The following CRISPLD2 variants were observed in gnomAD, a reference collection of about 807,000 sequenced individuals.
The protein encoded by CRISPLD2 is cysteine rich secretory protein LCCL domain containing 2.
Under a neutral mutation model 71.1 loss-of-function variants are expected in CRISPLD2, and 47 were observed. The observed-to-expected ratio is 0.66, with a 90% CI of 0.52 to 0.84. The LOEUF (loss-of-function observed/expected upper bound fraction) is 0.84, where lower values mean the gene tolerates loss of function less well. Among genes scored for constraint, CRISPLD2 ranks in the 40% least tolerant of loss-of-function variants. CRISPLD2 has a pLI of 0.00. For missense variants in CRISPLD2, 830 were observed against 651.1 expected (o/e 1.27, Z -2.99); for synonymous variants, 317 against 250.1 (o/e 1.27, Z -2.52).
intron 13 of CRISPLD2, among the ~76,000 whole-genome samples, chr16:84,880,915 G>C (rs2071563013): frequency 6.6e-6 from 1 of 152,062 alleles, no homozygotes; most frequent in Admixed American, 6.6e-5. Context: ...ATGTTGGCCA[G>C]GCTGGTTTCG....
At chr16:84,905,289 C>G (rs1029553476) in intron 14 of CRISPLD2, among the ~76,000 whole-genome samples, 3 of 152,280 alleles carry the variant, frequency 2.0e-5, no homozygotes, top group Middle Eastern at 3.4e-3. Context: ...TTGTCTAACA[C>G]TGGATTGTGG....
intron 14 of CRISPLD2, among the ~76,000 whole-genome samples, chr16:84,898,188 T>C (rs1472900061): frequency 6.6e-6 from 1 of 152,216 alleles, no homozygotes; most frequent in Non-Finnish European, 1.5e-5. Context: ...GACTTCCTCT[T>C]ACCAGAACAG....
intron 6 of CRISPLD2, among the ~76,000 whole-genome samples, chr16:84,866,694 G>C (rs1917546920): frequency 6.6e-6 from 1 of 152,210 alleles, no homozygotes; most frequent in Non-Finnish European, 1.5e-5. Flanking sequence ...AGTGAGCGGA[G>C]AGCGTCCCCG....
chr16:84,883,169 G>A (rs1008154), intron 13 of CRISPLD2, among the ~76,000 whole-genome samples: 31,063 of 152,210 alleles, frequency 0.2, 3,247 homozygotes, highest in Admixed American at 0.27. Flanking sequence ...AGGGAAGGAA[G>A]AAAGCCACCT....
At chr16:84,844,716 G>A (rs942256577) in intron 2 of CRISPLD2, among the ~76,000 whole-genome samples, 6 of 152,026 alleles carry the variant, frequency 3.9e-5, no homozygotes, top group African/African-American at 1.4e-4. Flanking sequence ...TTCATCTCGG[G>A]GCCCTTCTTG....
At chr16:84,893,706 A>G (rs374092378) in intron 14 of CRISPLD2, among the ~76,000 whole-genome samples, 20 of 152,322 alleles carry the variant, frequency 1.3e-4, no homozygotes, top group African/African-American at 4.8e-4. Context: ...CCTTGGGGAC[A>G]TGGCTCCCAA....
At chr16:84,836,379 G>C (rs776524435) in intron 1 of CRISPLD2, 5 of 152,174 alleles carry the variant, frequency 3.3e-5, no homozygotes, top group Non-Finnish European at 5.9e-5. Context: ...ACCTGAGAGA[G>C]AGAGATCAGG....
intron 11 of CRISPLD2, among the ~76,000 whole-genome samples, chr16:84,876,190 C>T (rs1193944312): frequency 6.6e-6 from 1 of 152,154 alleles, no homozygotes; most frequent in Non-Finnish European, 1.5e-5. Flanking sequence ...AACATGTTTG[C>T]TCTATGGTCC....
At chr16:84,902,499 A>G (rs1456125725) in intron 14 of CRISPLD2, among the ~76,000 whole-genome samples, 2 of 151,510 alleles carry the variant, frequency 1.3e-5, no homozygotes, top group Non-Finnish European at 2.9e-5. Flanking sequence ...AGTCCCAGCT[A>G]CTCGGGAGGC....
In CRISPLD2 at chr16:84,873,503, C is replaced by G. The variant is rs900610638; in HGVS notation, c.1112+381C>G. Reference sequence around the variant, plus strand: ...AAAAAAAAAAAAAAGAAAACAACAACAACAAAAAAAAAAACAAAAAAAAAA... The same window carrying G: ...AAAAAAAAAAAAAAGAAAACAACAAGAACAAAAAAAAAAACAAAAAAAAAA... On this transcript the variant is annotated intron_variant, in intron 10 of 14. Transcript: ENST00000262424. 2 of 88,678 alleles carry G rather than the reference C, an allele frequency of 2.3e-5. 1 individual carries two copies. Among genetic ancestry groups the G allele is most frequent in the Admixed American group, 2.4e-4 (2 of 8,256 alleles). 5.5% of individuals were successfully genotyped at this position (88,678 alleles called of 1,614,324 possible).
At position 84,849,000 on chromosome 16, in the gene CRISPLD2, A is replaced by AG. The variant is rs1555560650; in HGVS notation, c.360-385_360-384insG. ...GACTCCGTCTCAAAAAAAAAAAAAA[A>AG]AAAGAAAGGACTCATTAAGAGCCAG... On this transcript the variant is annotated intron_variant, in intron 3 of 14. Transcript: ENST00000262424. Among the ~76,000 whole-genome samples, 523 of 151,674 alleles carry AG rather than the reference A, an allele frequency of 3.4e-3. 2 individuals are homozygous for AG. Among genetic ancestry groups the AG allele is most frequent in the Non-Finnish European group, 6.0e-3 (408 of 67,800 alleles).
rs9934825 is a variant in CRISPLD2, at chr16:84,833,634, C to T, written c.-74-4788C>T. Among the ~76,000 whole-genome samples, 177 of 152,292 alleles carry T rather than the reference C, an allele frequency of 1.2e-3. 1 individual carries two copies. Among genetic ancestry groups the T allele is most frequent in the African/African-American group, 3.9e-3 (163 of 41,566 alleles). On this transcript the variant is annotated intron_variant, in intron 1 of 14. Transcript: ENST00000262424. ...TCTTCCAGGACGCTAGGAGGGCACT[C>T]TGCAGGGGGCATCCATCTGCCAGAG...
chr16:84,884,031 G>A (rs1208870950), intron 13 of CRISPLD2, among the ~76,000 whole-genome samples: 1 of 152,006 alleles, frequency 6.6e-6, no homozygotes, highest in African/African-American at 2.4e-5. Flanking sequence ...TTTTAGTAGA[G>A]ACAGGGTTTC....
rs534571010 is a variant in CRISPLD2, at chr16:84,850,253, G to A, written c.493-315G>A. Among the ~76,000 whole-genome samples, 4 of 152,040 alleles carry A rather than the reference G, an allele frequency of 2.6e-5. No individual in the cohort carries two copies. In the South Asian group the frequency reaches 8.3e-4, roughly 32 times the overall value. On this transcript the variant is annotated intron_variant, in intron 4 of 14. Transcript: ENST00000262424. ...CTATAGGTGCCTGCCACCACGCCCG[G>A]CTAATTTTTGTTTTTTTAGTAGAGA...
Position 84,849,721 on chromosome 16 carries a change from C to CTTT in CRISPLD2, c.492+210_492+212dup, listed in dbSNP as rs10627256. On this transcript the variant is annotated intron_variant, in intron 4 of 14. Transcript: ENST00000262424. ...AGAAACTGAGTGAGCACTACAAACT[C>CTTT]TTTTTTTTCTTTGAGGCAGTGTCTC... Among the ~76,000 whole-genome samples the CTTT allele has an allele frequency of 3.4e-3, 517 of 151,138 alleles. 3 individuals are homozygous for CTTT. Among genetic ancestry groups the CTTT allele is most frequent in the African/African-American group, 0.012 (480 of 41,132 alleles).
chr16:84,848,477 G>A (rs981409644), intron 3 of CRISPLD2, among the ~76,000 whole-genome samples: 7 of 144,100 alleles, frequency 4.9e-5, no homozygotes, highest in Non-Finnish European at 4.6e-5. Context: ...AAAAAAAATG[G>A]TGCCAACCTT....
At chr16:84,902,236 T>C (rs1597488624) in intron 14 of CRISPLD2, among the ~76,000 whole-genome samples, 2 of 152,062 alleles carry the variant, frequency 1.3e-5, no homozygotes. Context: ...ATATCCCAAG[T>C]ACAGAATAGA....
chr16:84,844,708 C>T (rs977016215), intron 2 of CRISPLD2, among the ~76,000 whole-genome samples: 9 of 152,178 alleles, frequency 5.9e-5, no homozygotes, highest in African/African-American at 2.2e-4. Flanking sequence ...GGCATCCATT[C>T]ATCTCGGGGC....
At chr16:84,885,673 G>A (rs1008582177) in intron 13 of CRISPLD2, among the ~76,000 whole-genome samples, 3 of 152,192 alleles carry the variant, frequency 2.0e-5, no homozygotes, top group Non-Finnish European at 2.9e-5. Context: ...TCAGTTACTC[G>A]GTAAATGAAT....
Sources: gnomAD v4.1 joint callset for allele counts (sites outside exome capture counted in the v4.1 genomes callset) on GRCh38, gnomAD v4.1.1 for gene constraint, MANE v1.5 for transcripts, NCBI Gene and HGNC (gene_info 2026-07-23, HGNC 2026-07-21) for gene names.